Variants in CD109 observed in about 807,000 individuals in gnomAD.
The protein encoded by CD109 is CD109 molecule.
Under a neutral mutation model 165.8 loss-of-function variants are expected in CD109, and 149 were observed. That is an observed-to-expected ratio of 0.90 (90% CI 0.79 to 1.03). The LOEUF (loss-of-function observed/expected upper bound fraction) is 1.03. Among genes scored for constraint, CD109 ranks in the 50% least tolerant of loss-of-function variants. CD109 has a pLI of 0.00. For missense variants in CD109, 1,712 were observed against 1,677.8 expected, an observed-to-expected ratio of 1.02 and a Z score of -0.36; for synonymous variants, 585 against 592.1, an observed-to-expected ratio of 0.99 and a Z score of 0.18.
At position 73,826,660 on chromosome 6, in the gene CD109, A is replaced by G. The variant is rs1776286563; in HGVS notation, c.*3027A>G. On this transcript the variant is annotated 3_prime_UTR_variant, in exon 33 of 33. Transcript: ENST00000287097. Reference sequence around the variant, plus strand: ...TTGTTTTTCAAAACATTGTAAAAATAGTATCTTTGGTTTAGTATTTTGGAT... The same window carrying G: ...TTGTTTTTCAAAACATTGTAAAAATGGTATCTTTGGTTTAGTATTTTGGAT... 1 of 152,202 alleles carries G rather than the reference A, an allele frequency of 6.6e-6. No individual in the cohort carries two copies. Among genetic ancestry groups the G allele is most frequent in the Non-Finnish European group, 1.5e-5 (1 of 68,042 alleles). The allele number at this position is 152,202 out of a possible 1,614,324, so 9.4% of individuals were successfully genotyped here. A position where few individuals can be genotyped will look rare whatever the true frequency, so the allele number is the denominator to read the frequency against.
chr6:73,697,293 A>G (rs374303410), intron 1 of CD109, 107 bp from the exon 2 acceptor site: 11 of 930,132 alleles, frequency 1.2e-5, no homozygotes, highest in African/African-American at 8.3e-5. Context: ...AACAACTGCA[A>G]TTGGCGCAGT....
intron 22 of CD109, among the ~76,000 whole-genome samples, chr6:73,790,451 G>A (rs1203096021): frequency 1.3e-5 from 2 of 152,100 alleles, no homozygotes; most frequent in Non-Finnish European, 2.9e-5. Context: ...ATTAATCAGG[G>A]TTCTCCAGAG....
intron 13 of CD109, 146 bp downstream of exon 13, chr6:73,767,156 G>A: frequency 2.9e-6 from 2 of 680,182 alleles, no homozygotes; most frequent in Non-Finnish European, 5.0e-6. Flanking sequence ...CATCACCCAG[G>A]TATTAATCCT....
intron 5 of CD109, among the ~76,000 whole-genome samples, chr6:73,753,581 A>G (rs577562969): frequency 7.9e-5 from 12 of 152,224 alleles, no homozygotes; most frequent in East Asian, 1.9e-4. Flanking sequence ...AGTAGAAAGC[A>G]TACTGTCAGC....
chr6:73,783,366 C>T (rs1371599900), intron 18 of CD109, among the ~76,000 whole-genome samples: 1 of 152,016 alleles, frequency 6.6e-6, no homozygotes, highest in African/African-American at 2.4e-5. Context: ...AAAACTTCTG[C>T]AAATTTAGAG....
Position 73,773,781 on chromosome 6 carries a change from GTTC to G in CD109, c.1827+2203_1827+2205del, listed in dbSNP as rs552586911. Among the ~76,000 whole-genome samples the G allele has an allele frequency of 2.1e-3, 317 of 152,066 alleles. 1 individual carries two copies. The highest frequency in any genetic ancestry group is 4.1e-3 in the Non-Finnish European group (278 of 67,962). ...CATAGATTGCCTTTCAATCTATGCT[GTTC>G]TTTCATTTTTTAATTGTGGAAATCT... On this transcript the variant is annotated intron_variant, in intron 15 of 32. Coordinates refer to ENST00000287097, the MANE Select transcript of CD109 (RefSeq NM_133493.5).
Position 73,696,287 on chromosome 6 carries a change from C to G in CD109, c.72C>G (p.Pro24=). The change falls in exon 1 of 33, where the codon CCC becomes CCG. Residue 24 remains proline (P), a splice_region_variant and synonymous_variant. Transcript: ENST00000287097. ...GCACCGCCGCGCTGGCCGTGGCTCC[C>G]GGGTAGGAACGTGGGCGCGCGGGGG... ...CVCTAALAVA[P]GPRFLVTAPG... The G allele has an allele frequency of 6.6e-7, 1 of 1,518,774 alleles. No homozygotes were observed. The highest frequency in any genetic ancestry group is 8.8e-7 in the Non-Finnish European group (1 of 1,139,566). The allele number at this position is 1,518,774 out of a possible 1,614,324, so 94.1% of individuals were successfully genotyped here. A position where few individuals can be genotyped will look rare whatever the true frequency, so the allele number is the denominator to read the frequency against.
chr6:73,703,414 C>T (rs1054284382), intron 2 of CD109, among the ~76,000 whole-genome samples: 1 of 152,168 alleles, frequency 6.6e-6, no homozygotes, highest in Non-Finnish European at 1.5e-5. Context: ...GAGGGGACCT[C>T]AAAGATAAGC....
intron 32 of CD109, among the ~76,000 whole-genome samples, chr6:73,821,492 T>C (rs1216930725): frequency 1.3e-5 from 2 of 152,122 alleles, no homozygotes; most frequent in African/African-American, 2.4e-5. Flanking sequence ...CAACTGTGAA[T>C]TGGATAAATA....
Position 73,797,918 on chromosome 6 carries a change from T to C in CD109, c.2878+5116T>C, listed in dbSNP as rs185811698. On this transcript the variant is annotated intron_variant, in intron 23 of 32. Coordinates refer to ENST00000287097, the MANE Select transcript of CD109 (RefSeq NM_133493.5). ...AAAGTTCTGAGCATATGATTACTTT[T>C]CAAACTCAAGAGCCATTCCTAAAAT... 2.9e-3 allele frequency among the ~76,000 whole-genome samples: 438 copies of C among 152,280 alleles called. 2 individuals are homozygous for C. The highest frequency in any genetic ancestry group is 9.7e-3 in the African/African-American group (405 of 41,570).
chr6:73,701,440 A>G (rs1465164346), intron 2 of CD109, among the ~76,000 whole-genome samples: 5 of 152,226 alleles, frequency 3.3e-5, no homozygotes, highest in Non-Finnish European at 1.5e-5. Flanking sequence ...AAGTCAGATT[A>G]CTGTTTTGGG....
In CD109 at chr6:73,759,212, T is replaced by G. The variant is rs74803699; in HGVS notation, c.758+184T>G. ...AGAGCTCCACATTTCACTGCATCTA[T>G]CACTCTGCTTGCAAGCCGACCCAGT... On this transcript the variant is annotated intron_variant, in intron 7 of 32. Transcript: ENST00000287097. Among the ~76,000 whole-genome samples the G allele has an allele frequency of 9.5e-4, 145 of 152,302 alleles. 1 individual carries two copies. The East Asian group carries it at 0.02, about 21-fold the overall frequency.
upstream of CD109, chr6:73,695,844 T>G: frequency 3.4e-6 from 1 of 292,834 alleles, no homozygotes; most frequent in South Asian, 3.2e-5. Context: ...TGGGCATCGT[T>G]GGTAGAGCGC....
chr6:73,771,297 A>G (rs994293542), intron 14 of CD109, 132 bp from the exon 15 acceptor site: 3 of 646,250 alleles, frequency 4.6e-6, no homozygotes, highest in East Asian at 3.1e-5. Flanking sequence ...AGGGTTATGC[A>G]TGGTTTTAGA....
chr6:73,781,463 A>T, intron 17 of CD109, 144 bp downstream of exon 17: 1 of 682,528 alleles, frequency 1.5e-6, no homozygotes. Context: ...TTTGGAGTTT[A>T]ATGTACTTAG....
chr6:73,760,723 A>G (rs1582115623), intron 7 of CD109, among the ~76,000 whole-genome samples: 1 of 152,106 alleles, frequency 6.6e-6, no homozygotes. Context: ...GCAGACGCCT[A>G]TAATCCCAGC....
intron 2 of CD109, among the ~76,000 whole-genome samples, chr6:73,718,482 T>A (rs1274190144): frequency 6.6e-6 from 1 of 152,168 alleles, no homozygotes; most frequent in Non-Finnish European, 1.5e-5. Context: ...TTTATCAAAT[T>A]TTTTTAAATT....
In CD109 at chr6:73,763,604, G is replaced by T. The variant is rs753662571; in HGVS notation, c.1026G>T (p.Val342=). Residue 342 remains valine, a synonymous_variant, in exon 10 of 33, where the codon GTG becomes GTT. Transcript: ENST00000287097. ...TGISRNVSTN[V]FFKQHDYIIE... ...TTTCAAGAAATGTAAGCACTAATGT[G>T]TTCTTCAAGCAACATGATTACATCA... 1 of 1,589,050 alleles carries T rather than the reference G, an allele frequency of 6.3e-7. No individual in the cohort carries two copies. Among genetic ancestry groups the T allele is most frequent in the Admixed American group, 1.7e-5 (1 of 57,892 alleles).
At chr6:73,798,177 C>A (rs9293943) in intron 23 of CD109, among the ~76,000 whole-genome samples, 1 of 150,186 alleles carries the variant, frequency 6.7e-6, no homozygotes, top group Non-Finnish European at 1.5e-5. Flanking sequence ...TACAGTGGTA[C>A]GATCTTGGCT....
Sources: allele counts gnomAD v4.1 joint callset (sites outside exome capture counted in the v4.1 genomes callset), GRCh38; gene constraint gnomAD v4.1.1; transcripts MANE v1.5; gene names NCBI Gene and HGNC (gene_info 2026-07-23, HGNC 2026-07-21).